Variants in AKNAD1 observed in about 807,000 individuals in gnomAD.
The protein encoded by AKNAD1 is AKNA domain containing 1.
A neutral mutation model predicts 90.8 loss-of-function variants in AKNAD1; 67 were observed. The ratio of observed to expected loss-of-function variants is 0.74; its 90% CI spans 0.61 to 0.90. The LOEUF (loss-of-function observed/expected upper bound fraction) is 0.90, where lower values mean the gene tolerates loss of function less well. Ranked by LOEUF, AKNAD1 falls within the 40% of genes least tolerant of loss-of-function variation. The pLI, the probability that AKNAD1 is intolerant of heterozygous loss-of-function variation, is 0.00. For synonymous variants in AKNAD1, 327 were observed against 341.4 expected (o/e 0.96, Z 0.46); for missense variants, 957 against 975.4 (o/e 0.98, Z 0.25).
rs555420548 is a variant in AKNAD1 at position 108,843,884 on chromosome 1, T to A, written c.1246-617A>T. 1.4e-4 allele frequency among the ~76,000 whole-genome samples: 21 copies of A among 152,274 alleles called. 1 individual carries two copies. The Middle Eastern group carries it at 0.014, about 99-fold the overall frequency. On this transcript the variant is annotated intron_variant, in intron 5 of 15. Coordinates refer to ENST00000370001, the MANE Select transcript of AKNAD1 (RefSeq NM_152763.5). ...CTCAAGCAGATGAATGTTTAAACTGTGCGGGTTAGGGGCATGTTGAAGATG... is the reference window on the plus strand; with the variant it reads ...CTCAAGCAGATGAATGTTTAAACTGAGCGGGTTAGGGGCATGTTGAAGATG...
intron 7 of AKNAD1, chr1:108,837,268 T>G (rs1345546198): frequency 3.8e-5 from 11 of 288,642 alleles, no homozygotes; most frequent in Admixed American, 2.4e-4. Context: ...TACAAAAATT[T>G]TCTTATTAAT....
At position 108,843,063 on chromosome 1, in the gene AKNAD1, C is replaced by T. The variant is rs1184916612; in HGVS notation, c.1379+71G>A. 5.8e-6 allele frequency: 9 copies of T among 1,565,206 alleles called. No individual in the cohort carries two copies. In the South Asian group the frequency reaches 8.4e-5, roughly 15 times the overall value. Reference sequence around the variant, plus strand: ...GGCTCTCCAAGCACTAAGCCAGCAGCCACATCAGAATCCCACCTGAAGGAG... The same window carrying T: ...GGCTCTCCAAGCACTAAGCCAGCAGTCACATCAGAATCCCACCTGAAGGAG... On this transcript the variant is annotated intron_variant, in intron 6 of 15. Coordinates refer to ENST00000370001, the MANE Select transcript of AKNAD1 (RefSeq NM_152763.5).
At chr1:108,854,391 C>T (rs1274344068) in intron 1 of AKNAD1, among the ~76,000 whole-genome samples, 1 of 152,178 alleles carries the variant, frequency 6.6e-6, no homozygotes, top group African/African-American at 2.4e-5. Flanking sequence ...GTGAGCAGAT[C>T]TCTGAGGTTC....
intron 5 of AKNAD1, among the ~76,000 whole-genome samples, chr1:108,844,137 C>A (rs986215232): frequency 1.3e-5 from 2 of 152,104 alleles, no homozygotes; most frequent in South Asian, 4.1e-4. Flanking sequence ...CCGAAGTGGG[C>A]AGATCATTTT....
At position 108,825,222 on chromosome 1, in the gene AKNAD1, C is replaced by T. The variant is rs536665256; in HGVS notation, c.1937-1534G>A. Among the ~76,000 whole-genome samples the T allele has an allele frequency of 1.6e-3, 248 of 151,798 alleles. 1 individual carries two copies. Among genetic ancestry groups the T allele is most frequent in the African/African-American group, 5.8e-3 (240 of 41,530 alleles). On this transcript the variant is annotated intron_variant, in intron 11 of 15. Coordinates refer to ENST00000370001, the MANE Select transcript of AKNAD1 (RefSeq NM_152763.5). ...CTCATGAGAGACCCTGAGCCTGAAC[C>T]ACCCAGCTAAAGTGCTCCCAAATTC...
In AKNAD1 at chr1:108,827,205, T is replaced by C. The variant is rs1244788872; in HGVS notation, c.1936A>G (p.Asn646Asp). Reference sequence around the variant, plus strand: ...ACCCAGCCCAAGCCCATCAACTTACTGGGAGTTGAATCTGAGTGTGGTGCC... The same window carrying C: ...ACCCAGCCCAAGCCCATCAACTTACCGGGAGTTGAATCTGAGTGTGGTGCC... ...EKAPHSDSTP[N>D]SDTGHSFCSD... is the part of the protein sequence containing the mutation. Residue 646 changes from asparagine to aspartate, a missense_variant and splice_region_variant, in exon 11 of 16, where the codon AAT becomes GAT. Transcript: ENST00000370001. 1 of 1,607,234 alleles carries C rather than the reference T, an allele frequency of 6.2e-7. No individual in the cohort carries two copies. The highest frequency in any genetic ancestry group is 8.5e-7 in the Non-Finnish European group (1 of 1,175,618).
chr1:108,835,280 A>C (rs1301594759), intron 7 of AKNAD1, among the ~76,000 whole-genome samples: 1 of 151,940 alleles, frequency 6.6e-6, no homozygotes, highest in Non-Finnish European at 1.5e-5. Context: ...AGTAATTCAA[A>C]CCTTCTGCAT....
At position 108,830,550 on chromosome 1, in the gene AKNAD1, A is replaced by T; in HGVS notation, c.1838+9T>A. 2 of 1,613,668 alleles carry T rather than the reference A, an allele frequency of 1.2e-6. No individual in the cohort carries two copies. ...CCACCCTGGGAATGTAGCCACAAGA[A>T]GCCCTCACCATTCAAGGAGCCTGCG... On this transcript the variant is annotated intron_variant, in intron 10 of 15. Coordinates refer to ENST00000370001, the MANE Select transcript of AKNAD1 (RefSeq NM_152763.5).
intron 5 of AKNAD1, among the ~76,000 whole-genome samples, chr1:108,848,540 G>A (rs1051980254): frequency 6.6e-6 from 1 of 152,152 alleles, no homozygotes. Context: ...ATAGCCATAA[G>A]TAATAGATCC....
chr1:108,819,924 A>C lies in AKNAD1; in HGVS notation c.2249+621T>G, dbSNP rs866263525. Among the ~76,000 whole-genome samples, 132 of 150,640 alleles carry C rather than the reference A, an allele frequency of 8.8e-4. 2 individuals carry two copies. Among genetic ancestry groups the C allele is most frequent in the African/African-American group, 2.6e-3 (107 of 41,148 alleles). ...AAATAAAAATGAATTAACAGCAAAA[A>C]AAAAAAAAAAAAAAATACCCTAATT... On this transcript the variant is annotated intron_variant, in intron 14 of 15. Coordinates refer to ENST00000370001, the MANE Select transcript of AKNAD1 (RefSeq NM_152763.5).
chr1:108,851,928 G>A lies in AKNAD1; in HGVS notation c.737C>T (p.Thr246Met), dbSNP rs758045661. ...QQTEKANSGN[T>M]FKYGQGQVHY... ...AACTTGACCTTGGCCGTATTTGAAC[G>A]TGTTGCCTGAATTTGCTTTTTCAGT... The change falls in exon 2 of 16, where the codon ACG becomes ATG. Residue 246 changes from threonine to methionine, a missense_variant. Thr to Met is a moderately conservative substitution (Grantham distance 81, BLOSUM62 -1). Coordinates refer to ENST00000370001, the MANE Select transcript of AKNAD1 (RefSeq NM_152763.5). The A allele has an allele frequency of 7.5e-5, 121 of 1,614,096 alleles. No individual in the cohort carries two copies. The highest frequency in any genetic ancestry group is 2.4e-4 in the African/African-American group (18 of 74,926).
rs7544011 is a variant in AKNAD1, at chr1:108,839,864, A to T, written c.1380-2158T>A. Among the ~76,000 whole-genome samples, 815 of 152,184 alleles carry T rather than the reference A, an allele frequency of 5.4e-3. 10 individuals carry two copies. The highest frequency in any genetic ancestry group is 0.019 in the African/African-American group (783 of 41,504). ...AGGGAGACCATGTCTCTACAAAAAA[A>T]ATTTTTTTTAATTAGCTGGGAGTGG... On this transcript the variant is annotated intron_variant, in intron 6 of 15. Transcript: ENST00000370001.
intron 3 of AKNAD1, 145 bp from the exon 4 acceptor site, chr1:108,849,205 G>T (rs1664784221): frequency 2.6e-6 from 2 of 761,604 alleles, no homozygotes; most frequent in Non-Finnish European, 4.0e-6. Flanking sequence ...TCTAGGCCAG[G>T]CACAGTGGCT....
At chr1:108,816,348 T>A (rs1175999668) in intron 15 of AKNAD1, 46 bp from the exon 16 acceptor site, 1 of 1,570,974 alleles carries the variant, frequency 6.4e-7, no homozygotes, top group Admixed American at 1.8e-5. Flanking sequence ...AACTAACTGC[T>A]GTTTCTGTTC....
rs767318558 is a variant in AKNAD1 at position 108,834,960 on chromosome 1, T to A, written c.1633A>T (p.Asn545Tyr). 13 of 1,551,002 alleles carry A rather than the reference T, an allele frequency of 8.4e-6. No individual in the cohort carries two copies. The African/African-American group carries it at 1.7e-4, about 20-fold the overall frequency. Residue 545 changes from asparagine to tyrosine, a missense_variant, in exon 8 of 16, where the codon AAC becomes TAC. Asn to Tyr is a moderately radical substitution (Grantham distance 143). Transcript: ENST00000370001. The stretch of plus-strand genomic sequence containing the variant: ...GGGGCCAGCTCACAGAGCTCCTCGT[T>A]GGGGGCCTCCTGCGGCCCTCCTTGG... ...TPQGGPQEAP[N>Y]EELCELAPQT...
intron 5 of AKNAD1, among the ~76,000 whole-genome samples, chr1:108,845,098 C>T (rs1275261961): frequency 6.6e-6 from 1 of 152,118 alleles, no homozygotes; most frequent in African/African-American, 2.4e-5. Flanking sequence ...GGATTACAGG[C>T]ATGAGCCACC....
chr1:108,823,741 T>C lies in AKNAD1; in HGVS notation c.1937-53A>G, dbSNP rs1663900466. The C allele has an allele frequency of 3.1e-6, 5 of 1,612,462 alleles. No individual in the cohort carries two copies. In the East Asian group the frequency reaches 8.9e-5, roughly 29 times the overall value. ...AGGGTAAGTGTCTTGATTATAGTCATAAAATACGGTGTGGAGAGCAGAGCT... is the reference window on the plus strand; with the variant it reads ...AGGGTAAGTGTCTTGATTATAGTCACAAAATACGGTGTGGAGAGCAGAGCT... On this transcript the variant is annotated intron_variant, in intron 11 of 15. Transcript: ENST00000370001.
Position 108,830,671 on chromosome 1 carries a change from A to G in AKNAD1, c.1747-21T>C, listed in dbSNP as rs543233868. The G allele has an allele frequency of 8.1e-6, 13 of 1,612,562 alleles. No homozygotes were observed. In the African/African-American group the frequency reaches 1.3e-4, roughly 17 times the overall value. On this transcript the variant is annotated intron_variant, in intron 9 of 15. Transcript: ENST00000370001. The stretch of plus-strand genomic sequence containing the variant: ...TCCTCCTGCGCCACAAAGCACACAG[A>G]TGGAGATGTGATAGAGGATGTGACT...
intron 10 of AKNAD1, among the ~76,000 whole-genome samples, chr1:108,830,242 G>A (rs1003214466): frequency 6.6e-5 from 10 of 152,144 alleles, no homozygotes; most frequent in South Asian, 4.1e-4. Context: ...GGGGCTTATC[G>A]GAATCACCTG....
Sources: allele counts gnomAD v4.1 joint callset (sites outside exome capture counted in the v4.1 genomes callset), GRCh38; gene constraint gnomAD v4.1.1; transcripts MANE v1.5; gene names NCBI Gene and HGNC (gene_info 2026-07-23, HGNC 2026-07-21).